Variants in DIMT1 observed in about 807,000 individuals in gnomAD.
DIMT1 encodes the protein DIM1 rRNA methyltransferase and ribosome maturation factor.
DIMT1 carries 36 observed loss-of-function variants against 43.2 expected under a neutral mutation model. That is an observed-to-expected ratio of 0.83 (90% CI 0.64 to 1.10). The LOEUF (loss-of-function observed/expected upper bound fraction) is 1.10. Among genes scored for constraint, DIMT1 ranks in the 50% least tolerant of loss-of-function variants. DIMT1 has a pLI of 0.00. For missense variants in DIMT1, 341 were observed against 385.3 expected, an observed-to-expected ratio of 0.88 and a Z score of 0.96; for synonymous variants, 126 against 130.3, an observed-to-expected ratio of 0.97 and a Z score of 0.22.
intron 11 of DIMT1, among the ~76,000 whole-genome samples, chr5:62,389,987 G>A (rs1187196534): frequency 6.6e-6 from 1 of 152,118 alleles, no homozygotes; most frequent in Non-Finnish European, 1.5e-5. Context: ...TCAATGCCTA[G>A]GATTAACATC....
chr5:62,392,134 C>A, intron 10 of DIMT1, 37 bp downstream of exon 10: 4 of 1,606,392 alleles, frequency 2.5e-6, no homozygotes, highest in Non-Finnish European at 3.4e-6. Flanking sequence ...TAAAAGAAAA[C>A]AAATCAATGA....
At chr5:62,391,831 T>C in intron 10 of DIMT1, 2 of 1,446,864 alleles carry the variant, frequency 1.4e-6, no homozygotes, top group Non-Finnish European at 1.8e-6. Flanking sequence ...CAGAGGACAG[T>C]AAACTACACA....
At chr5:62,400,255 AT>A (rs1346099378) in intron 3 of DIMT1, among the ~76,000 whole-genome samples, 4 of 151,868 alleles carry the variant, frequency 2.6e-5, no homozygotes, top group Non-Finnish European at 4.4e-5. Context: ...TTAAAAAATA[AT>A]TTTTTTTAAG....
At chr5:62,399,742 T>TGGTAA (rs1742632728) in intron 3 of DIMT1, among the ~76,000 whole-genome samples, 1 of 148,986 alleles carries the variant, frequency 6.7e-6, no homozygotes, top group African/African-American at 2.5e-5. Context: ...CTGTCTCTAC[T>TGGTAA]AACAAATTCA....
intron 11 of DIMT1, among the ~76,000 whole-genome samples, chr5:62,390,208 G>T (rs1324647714): frequency 6.6e-6 from 1 of 152,150 alleles, no homozygotes; most frequent in Non-Finnish European, 1.5e-5. Flanking sequence ...ACATCTTAAT[G>T]ATTAAAAACA....
intron 9 of DIMT1, among the ~76,000 whole-genome samples, chr5:62,392,474 T>C (rs566196993): frequency 6.6e-6 from 1 of 151,858 alleles, no homozygotes; most frequent in Non-Finnish European, 1.5e-5. Context: ...TCTTAAATTC[T>C]TAGAGAAGTT....
intron 4 of DIMT1, 27 bp from the exon 5 acceptor site, chr5:62,398,766 A>G (rs755662242): frequency 6.2e-7 from 1 of 1,614,098 alleles, no homozygotes; most frequent in Non-Finnish European, 8.5e-7. Flanking sequence ...AAATGTAAAA[A>G]GAATGTTGTT....
At chr5:62,390,652 C>T (rs1742264629) in intron 11 of DIMT1, among the ~76,000 whole-genome samples, 1 of 152,174 alleles carries the variant, frequency 6.6e-6, no homozygotes, top group African/African-American at 2.4e-5. Flanking sequence ...AGGCAATCTT[C>T]TGGCTCGGAC....
rs2112038510 is a variant in DIMT1 at position 62,393,075 on chromosome 5, A to C, written c.664-85T>G. The C allele has an allele frequency of 3.6e-6, 3 of 840,952 alleles. No homozygotes were observed. The South Asian group carries it at 5.3e-5, about 15-fold the overall frequency. The allele number at this position is 840,952 out of a possible 1,614,324, so 52.1% of individuals were successfully genotyped here. ...ACTAGGTATTATTTTGTCTTTTAAT[A>C]TATACAATTGAAGGAAACTTTCTGA... On this transcript the variant is annotated intron_variant, in intron 8 of 11. Transcript: ENST00000199320.
chr5:62,394,361 G>T, intron 7 of DIMT1, 123 bp downstream of exon 7: 1 of 1,066,876 alleles, frequency 9.4e-7, no homozygotes, highest in East Asian at 2.5e-5. Flanking sequence ...CCAGCTACTC[G>T]GGACTCGAGA....
At chr5:62,391,009 G>A (rs754483907) in intron 10 of DIMT1, 27 bp from the exon 11 acceptor site, 34 of 1,584,948 alleles carry the variant, frequency 2.1e-5, no homozygotes, top group African/African-American at 1.3e-5. Context: ...CAGAATAAAT[G>A]AACGACATAT....
Position 62,389,064 on chromosome 5 carries a change from A to G in DIMT1, c.900-12T>C, listed in dbSNP as rs1742170225. 1 of 1,608,034 alleles carries G rather than the reference A, an allele frequency of 6.2e-7. No homozygotes were observed. The highest frequency in any genetic ancestry group is 1.3e-5 in the African/African-American group (1 of 74,602). ...ATCCATGTAGCAATCTGAAAAAAGA[A>G]ATCAAAATGGAATGGTACTGAAAAG... On this transcript the variant is annotated splice_polypyrimidine_tract_variant and intron_variant, in intron 11 of 11. Coordinates refer to ENST00000199320, the MANE Select transcript of DIMT1 (RefSeq NM_014473.4).
rs868250510 is a variant in DIMT1 at position 62,392,093 on chromosome 5, G to A, written c.792+78C>T. ...TATGGAATGTACAAAATAATCTCAT[G>A]CTAGATCAACAAGAATAAAAATGGA... On this transcript the variant is annotated intron_variant, in intron 10 of 11. Coordinates refer to ENST00000199320, the MANE Select transcript of DIMT1 (RefSeq NM_014473.4). 3.1e-6 allele frequency: 5 copies of A among 1,603,602 alleles called. No individual in the cohort carries two copies. The African/African-American group carries it at 6.7e-5, about 22-fold the overall frequency.
At chr5:62,393,071 T>C in intron 8 of DIMT1, 81 bp from the exon 9 acceptor site, 2 of 884,430 alleles carry the variant, frequency 2.3e-6, no homozygotes, top group Non-Finnish European at 3.6e-6. Flanking sequence ...TTTTGTCTTT[T>C]AATATATACA....
At chr5:62,393,361 A>T (rs1742370883) in intron 8 of DIMT1, among the ~76,000 whole-genome samples, 1 of 152,162 alleles carries the variant, frequency 6.6e-6, no homozygotes, top group Non-Finnish European at 1.5e-5. Context: ...AGCCTAGGCA[A>T]CATAGTGAAA....
Position 62,403,334 on chromosome 5 carries a change from T to C in DIMT1, c.92A>G (p.Asn31Ser), listed in dbSNP as rs1262985715. The change falls in exon 2 of 12, where the codon AAC becomes AGC. Residue 31 changes from asparagine to serine, a missense_variant. Coordinates refer to ENST00000199320, the MANE Select transcript of DIMT1 (RefSeq NM_014473.4). ...CAAAATGTGCTGCCCAATCCCCGTG[T>C]TGAACATGAGTCCTGTAAGAAAATA... is the stretch of plus-strand genomic sequence containing the variant. ...ELKSAGGLMF[N>S]TGIGQHILKN... 1 of 1,613,988 alleles carries C rather than the reference T, an allele frequency of 6.2e-7. No homozygotes were observed. Among genetic ancestry groups the C allele is most frequent in the Admixed American group, 1.7e-5 (1 of 60,020 alleles).
intron 1 of DIMT1, 112 bp downstream of exon 1, chr5:62,403,582 G>C (rs908156965): frequency 1.5e-6 from 2 of 1,318,430 alleles, no homozygotes; most frequent in Admixed American, 2.2e-5. Flanking sequence ...CCGCGCTCAC[G>C]GGAGCGCGTC....
Position 62,403,831 on chromosome 5 carries a change from G to A in DIMT1, c.-59C>T, listed in dbSNP as rs888941564. ...TCAAGGAGGACCAAAGAGGGCTAGCGTGAGAAAGCCACCACGTGGGGATCG... is the reference window on the plus strand; with the variant it reads ...TCAAGGAGGACCAAAGAGGGCTAGCATGAGAAAGCCACCACGTGGGGATCG... On this transcript the variant is annotated 5_prime_UTR_variant, in exon 1 of 12. It adds an upstream start codon to the 5' untranslated region. Transcript: ENST00000199320. 6.4e-7 allele frequency: 1 copy of A among 1,554,448 alleles called. No homozygotes were observed. Among genetic ancestry groups the A allele is most frequent in the Non-Finnish European group, 8.8e-7 (1 of 1,142,340 alleles).
At chr5:62,389,479 C>G (rs1742192926) in intron 11 of DIMT1, among the ~76,000 whole-genome samples, 1 of 41,426 alleles carries the variant, frequency 2.4e-5, no homozygotes, top group Non-Finnish European at 4.2e-5. Context: ...GAGCAAGACT[C>G]TGTCTCAAAA....
Sources: gnomAD v4.1 joint callset for allele counts (sites outside exome capture counted in the v4.1 genomes callset) on GRCh38, gnomAD v4.1.1 for gene constraint, MANE v1.5 for transcripts, NCBI Gene and HGNC (gene_info 2026-07-23, HGNC 2026-07-21) for gene names.